The following ME3 variants were observed in gnomAD, a reference collection of about 807,000 sequenced individuals.
ME3 encodes malic enzyme 3.
Under a neutral mutation model 68.9 loss-of-function variants are expected in ME3, and 48 were observed. The ratio of observed to expected loss-of-function variants is 0.70; its 90% CI spans 0.55 to 0.89. The LOEUF is 0.89. Among genes scored for constraint, ME3 ranks in the 40% least tolerant of loss-of-function variants. The probability of loss-of-function intolerance (pLI) is 0.00; values close to 1 mark genes in which losing one functional copy is unlikely to be tolerated. For missense variants in ME3, 675 were observed against 797.4 expected, an observed-to-expected ratio of 0.85 and a Z score of 1.85; for synonymous variants, 320 against 318.8, an observed-to-expected ratio of 1.00 and a Z score of -0.04.
At chr11:86,637,978 AC>A (rs1944448909) in intron 2 of ME3, among the ~76,000 whole-genome samples, 1 of 150,996 alleles carries the variant, frequency 6.6e-6, no homozygotes, top group Non-Finnish European at 1.5e-5. Context: ...ACACACACAC[AC>A]ACACACACAC....
intron 2 of ME3, among the ~76,000 whole-genome samples, chr11:86,619,634 G>T (rs562099766): frequency 4.5e-4 from 68 of 152,252 alleles, no homozygotes; most frequent in African/African-American, 1.6e-3. Flanking sequence ...ATTCTTTCTT[G>T]TCCTCTGCCA....
intron 6 of ME3, among the ~76,000 whole-genome samples, chr11:86,489,621 G>T (rs374807989): frequency 5.3e-5 from 8 of 152,114 alleles, no homozygotes; most frequent in Admixed American, 2.0e-4. Context: ...GAGCATGGAG[G>T]GGGTGTGGGG....
chr11:86,438,471 T>C (rs974858314), downstream of ME3, among the ~76,000 whole-genome samples: 1 of 152,194 alleles, frequency 6.6e-6, no homozygotes, highest in African/African-American at 2.4e-5. Context: ...GGCTTTGATA[T>C]GGCAATACTA....
At chr11:86,499,716 C>T (rs1303468244) in intron 5 of ME3, among the ~76,000 whole-genome samples, 1 of 152,194 alleles carries the variant, frequency 6.6e-6, no homozygotes, top group East Asian at 1.9e-4. Flanking sequence ...TCATGATATT[C>T]TCCCTTAGAT....
At position 86,449,860 on chromosome 11, in the gene ME3, A is replaced by C. The variant is rs570610655; in HGVS notation, c.1131+29T>G. On this transcript the variant is annotated intron_variant, in intron 10 of 14. Coordinates refer to ENST00000543262, the Ensembl canonical transcript of ME3. ...TTCCTGGGAGCTATAAGGTGTCAGG[A>C]AACCTCCAGGTCTCCAGACTGACAG... The C allele has an allele frequency of 1.5e-5, 23 of 1,561,470 alleles. No individual in the cohort carries two copies. The South Asian group carries it at 2.4e-4, about 16-fold the overall frequency.
intron 2 of ME3, among the ~76,000 whole-genome samples, chr11:86,662,510 T>C (rs1248969925): frequency 6.6e-6 from 1 of 152,056 alleles, no homozygotes; most frequent in South Asian, 2.1e-4. Flanking sequence ...GGTGGGAGGA[T>C]CACTTGAGCC....
intron 2 of ME3, chr11:86,622,659 TG>T (rs1943418966): frequency 6.6e-6 from 1 of 152,070 alleles, no homozygotes; most frequent in African/African-American, 2.4e-5. Context: ...CTTCTGTCTA[TG>T]GGTCTCTTTC....
chr11:86,464,018 C>CA, intron 8 of ME3: 1 of 387,210 alleles, frequency 2.6e-6, no homozygotes, highest in South Asian at 2.0e-5. Context: ...AATAAGCGTT[C>CA]AGCGATTAAC....
At chr11:86,453,546 T>G (rs1165761484) in intron 8 of ME3, among the ~76,000 whole-genome samples, 1 of 152,184 alleles carries the variant, frequency 6.6e-6, no homozygotes, top group African/African-American at 2.4e-5. Flanking sequence ...CACCCCAGCA[T>G]CATCCATCTT....
intron 2 of ME3, among the ~76,000 whole-genome samples, chr11:86,607,649 T>G (rs1159673500): frequency 6.6e-6 from 1 of 150,712 alleles, no homozygotes; most frequent in Non-Finnish European, 1.5e-5. Context: ...GTTTTTGTTG[T>G]TTTTTTTCAG....
intron 7 of ME3, among the ~76,000 whole-genome samples, chr11:86,469,544 A>C (rs660893): frequency 0.85 from 129,997 of 152,184 alleles, 55,557 homozygotes; most frequent in Non-Finnish European, 0.86. Context: ...CAGCAGCCTG[A>C]TGTCTATCCT....
chr11:86,542,183 C>G (rs1421510164), intron 4 of ME3, among the ~76,000 whole-genome samples: 1 of 152,190 alleles, frequency 6.6e-6, no homozygotes, highest in Non-Finnish European at 1.5e-5. Context: ...GTAGACAAAT[C>G]CACAAAGATG....
At chr11:86,659,451 C>A (rs1288661549) in intron 2 of ME3, among the ~76,000 whole-genome samples, 2 of 152,174 alleles carry the variant, frequency 1.3e-5, no homozygotes, top group Non-Finnish European at 2.9e-5. Flanking sequence ...CTCAGGGCCT[C>A]TGAAAACTTA....
chr11:86,651,446 T>A (rs1945421861), intron 2 of ME3, among the ~76,000 whole-genome samples: 1 of 152,222 alleles, frequency 6.6e-6, no homozygotes, highest in Non-Finnish European at 1.5e-5. Context: ...CAATATCCGC[T>A]GTTCTGCAGC....
intron 2 of ME3, among the ~76,000 whole-genome samples, chr11:86,669,067 G>C (rs1946752230): frequency 6.6e-6 from 1 of 152,184 alleles, no homozygotes; most frequent in South Asian, 2.1e-4. Flanking sequence ...AAAGTACCAA[G>C]GCTCAAGCCT....
intron 7 of ME3, among the ~76,000 whole-genome samples, chr11:86,472,002 C>T (rs1449293968): frequency 2.0e-5 from 3 of 152,164 alleles, no homozygotes; most frequent in South Asian, 4.1e-4. Context: ...GGCAGCTCTG[C>T]AGCGGGGAGA....
the ME3 span, chr11:86,435,740 G>A: frequency 6.6e-6 from 1 of 152,378 alleles, no homozygotes; most frequent in South Asian, 2.1e-4. Flanking sequence ...ATAAGAAGTT[G>A]AATGGTGATA....
intron 2 of ME3, among the ~76,000 whole-genome samples, chr11:86,587,527 A>C (rs573894952): frequency 2.5e-4 from 38 of 152,080 alleles, no homozygotes; most frequent in African/African-American, 9.2e-4. Context: ...GGTAAATTTT[A>C]CTCATCCCTG....
At chr11:86,631,471 T>A (rs1944011230) in intron 2 of ME3, among the ~76,000 whole-genome samples, 1 of 152,090 alleles carries the variant, frequency 6.6e-6, no homozygotes, top group South Asian at 2.1e-4. Context: ...AAGAAAACCG[T>A]GGGCAATGAA....
Sources: gnomAD v4.1 joint callset for allele counts (sites outside exome capture counted in the v4.1 genomes callset) on GRCh38, gnomAD v4.1.1 for gene constraint, MANE v1.5 for transcripts, NCBI Gene and HGNC (gene_info 2026-07-23, HGNC 2026-07-21) for gene names.